SMIM31: variants seen among roughly 807,000 people sequenced by gnomAD.
SMIM31 encodes the protein small integral membrane protein 31.
intron 2 of SMIM31, among the ~76,000 whole-genome samples, chr4:164,794,094 C>G (rs76421772): frequency 0.091 from 13,907 of 152,214 alleles, 662 homozygotes; most frequent in Middle Eastern, 0.12. Context: ...AAAAGGCAAC[C>G]TGCCAGGCAC....
chr4:164,793,021 T>C (rs1733123432), intron 2 of SMIM31, among the ~76,000 whole-genome samples: 2 of 152,168 alleles, frequency 1.3e-5, no homozygotes, highest in Non-Finnish European at 1.5e-5. Flanking sequence ...TGGAATACTA[T>C]GCAGCCATAA....
intron 2 of SMIM31, among the ~76,000 whole-genome samples, chr4:164,771,385 G>T (rs182100168): frequency 2.6e-5 from 4 of 152,232 alleles, no homozygotes; most frequent in Admixed American, 2.0e-4. Context: ...ACATAATAAT[G>T]TATTTCCCTC....
intron 1 of SMIM31, 140 bp downstream of exon 1, chr4:164,754,551 A>ATTTTTTTTTTTTTTTTTTTTTTTT (rs57916805): frequency 1.8e-5 from 1 of 55,620 alleles, no homozygotes; most frequent in East Asian, 6.2e-4. Flanking sequence ...TCCTGGAGGT[A>ATTTTTTTTTTTTTTTTTTTTTTTT]TTTTTTTTTT....
intron 2 of SMIM31, among the ~76,000 whole-genome samples, chr4:164,783,972 A>T (rs1560829692): frequency 2.0e-5 from 3 of 152,246 alleles, no homozygotes; most frequent in African/African-American, 7.2e-5. Context: ...CTCTCAAAGT[A>T]CTGCTTTAGT....
At chr4:164,755,939 TG>T (rs1306193124) in intron 1 of SMIM31, among the ~76,000 whole-genome samples, 1 of 152,204 alleles carries the variant, frequency 6.6e-6, no homozygotes, top group African/African-American at 2.4e-5. Context: ...ATTAGCATTT[TG>T]CTATATTGGC....
chr4:164,766,758 A>G (rs527343358), intron 1 of SMIM31, among the ~76,000 whole-genome samples: 7 of 151,892 alleles, frequency 4.6e-5, no homozygotes, highest in African/African-American at 1.4e-4. Flanking sequence ...AGATCGTGCC[A>G]CTGCACTCCA....
chr4:164,757,368 C>A (rs562104368), intron 1 of SMIM31, among the ~76,000 whole-genome samples: 13 of 152,020 alleles, frequency 8.6e-5, no homozygotes, highest in South Asian at 2.1e-4. Flanking sequence ...CTGAGCCTTG[C>A]CTACTCATTT....
At chr4:164,791,210 TTAA>T (rs1273486614) in intron 2 of SMIM31, among the ~76,000 whole-genome samples, 3 of 152,236 alleles carry the variant, frequency 2.0e-5, no homozygotes, top group African/African-American at 7.2e-5. Context: ...ATTGAGTAGA[TTAA>T]TGTTTTCTTA....
At chr4:164,766,392 C>G (rs993932550) in intron 1 of SMIM31, among the ~76,000 whole-genome samples, 1 of 152,080 alleles carries the variant, frequency 6.6e-6, no homozygotes, top group African/African-American at 2.4e-5. Context: ...TCAGTGAATA[C>G]TTATGGGAAA....
At chr4:164,768,565 T>A (rs1732752303) in intron 1 of SMIM31, among the ~76,000 whole-genome samples, 1 of 151,966 alleles carries the variant, frequency 6.6e-6, no homozygotes, top group African/African-American at 2.4e-5. Flanking sequence ...TACCTTAAAA[T>A]CTGTTGATAT....
At chr4:164,772,585 A>ATTTTTTTT (rs755302201) in intron 2 of SMIM31, among the ~76,000 whole-genome samples, 66 of 142,772 alleles carry the variant, frequency 4.6e-4, no homozygotes, top group South Asian at 9.0e-4. Context: ...TTTTTATTTT[A>ATTTTTTTT]TTTTTTTTTT....
At chr4:164,798,460 C>T (rs1733237919) in intron 2 of SMIM31, among the ~76,000 whole-genome samples, 1 of 151,496 alleles carries the variant, frequency 6.6e-6, no homozygotes, top group Admixed American at 6.6e-5. Flanking sequence ...CCAGGATGGT[C>T]TTGATCTCCT....
At position 164,756,386 on chromosome 4, in the gene SMIM31, T is replaced by C. The variant is rs547580214; in HGVS notation, c.-26+1975T>C. ...GAGATCAAGACCATCCTGGCTAACA[T>C]GGTGAAACACTGTCTCTACTAAAAA... On this transcript the variant is annotated intron_variant, in intron 1 of 2. Coordinates refer to ENST00000507311, the MANE Select transcript of SMIM31 (RefSeq NM_001352885.1). Among the ~76,000 whole-genome samples the C allele has an allele frequency of 4.3e-4, 66 of 151,986 alleles. 1 individual carries two copies. In the East Asian group the frequency reaches 0.012, roughly 27 times the overall value.
chr4:164,758,596 T>C (rs1263534530), intron 1 of SMIM31, among the ~76,000 whole-genome samples: 4 of 150,678 alleles, frequency 2.7e-5, no homozygotes, highest in Non-Finnish European at 5.9e-5. Context: ...TCAGTATTTA[T>C]GGAAATGACC....
At chr4:164,758,752 GCCTCCAGCATA>G (rs1369140847) in intron 1 of SMIM31, among the ~76,000 whole-genome samples, 1 of 134,392 alleles carries the variant, frequency 7.4e-6, no homozygotes, top group Admixed American at 7.9e-5. Context: ...TCCTGCCTCA[GCCTCCAGCATA>G]GCTGGGACTA....
chr4:164,789,503 C>A (rs1161501248), intron 2 of SMIM31, among the ~76,000 whole-genome samples: 1 of 152,122 alleles, frequency 6.6e-6, no homozygotes, highest in Non-Finnish European at 1.5e-5. Flanking sequence ...AATATTTGTC[C>A]ACTCTAAGAG....
chr4:164,794,533 G>A (rs9994272), intron 2 of SMIM31, among the ~76,000 whole-genome samples: 4,946 of 151,946 alleles, frequency 0.033, 257 homozygotes, highest in African/African-American at 0.11. Flanking sequence ...AGGGCCAGAC[G>A]CAGTGGCTCA....
intron 2 of SMIM31, among the ~76,000 whole-genome samples, chr4:164,775,205 T>C (rs967035143): frequency 2.0e-5 from 3 of 152,206 alleles, no homozygotes; most frequent in African/African-American, 7.2e-5. Context: ...CCTTATGACA[T>C]AGATAAGACT....
chr4:164,787,834 A>G (rs1392304809), intron 2 of SMIM31, among the ~76,000 whole-genome samples: 1 of 152,212 alleles, frequency 6.6e-6, no homozygotes, highest in Non-Finnish European at 1.5e-5. Context: ...TTTAAGAGAA[A>G]GTCTTTGAAC....
Sources: gnomAD v4.1 joint callset for allele counts (sites outside exome capture counted in the v4.1 genomes callset) on GRCh38, gnomAD v4.1.1 for gene constraint, MANE v1.5 for transcripts, NCBI Gene and HGNC (gene_info 2026-07-23, HGNC 2026-07-21) for gene names.